Variants in CCDC191 observed in about 807,000 individuals in gnomAD.
The protein encoded by CCDC191 is coiled-coil domain-containing protein 191.
A neutral mutation model predicts 114.0 loss-of-function variants in CCDC191; 99 were observed. The ratio of observed to expected loss-of-function variants is 0.87; its 90% CI spans 0.74 to 1.03. CCDC191 has a LOEUF of 1.03. Ranked by LOEUF, CCDC191 falls within the 50% of genes least tolerant of loss-of-function variation. CCDC191 has a pLI of 0.00. For synonymous variants in CCDC191, 351 were observed against 376.0 expected (o/e 0.93, Z 0.77); for missense variants, 973 against 1,087.0 (o/e 0.90, Z 1.47).
At chr3:114,017,951 G>T (rs887109490) in intron 8 of CCDC191, among the ~76,000 whole-genome samples, 8 of 152,036 alleles carry the variant, frequency 5.3e-5, no homozygotes, top group Non-Finnish European at 1.0e-4. Context: ...ATAATAATAA[G>T]AAAATTATTT....
At chr3:113,978,672 A>G (rs2075024757) in intron 15 of CCDC191, 186 bp downstream of exon 15, 1 of 668,604 alleles carries the variant, frequency 1.5e-6, no homozygotes, top group African/African-American at 1.8e-5. Flanking sequence ...ACACAGGCTT[A>G]GGATTTTACA....
intron 8 of CCDC191, among the ~76,000 whole-genome samples, chr3:114,013,797 G>C (rs966989481): frequency 1.3e-5 from 2 of 152,114 alleles, no homozygotes; most frequent in East Asian, 3.8e-4. Context: ...AATGATACTG[G>C]GTGACTGGTG....
chr3:113,978,959 A>C lies in CCDC191; in HGVS notation c.2359T>G (p.Trp787Gly). The C allele has an allele frequency of 6.2e-7, 1 of 1,614,052 alleles. No homozygotes were observed. The highest frequency in any genetic ancestry group is 8.5e-7 in the Non-Finnish European group (1 of 1,179,958). ...LFLQRKYMLTWFQRSQESLAR... is the reference protein window; with the variant it reads ...LFLQRKYMLTGFQRSQESLAR... ...AGACTTTCCTGACTACGCTGGAACCACGTCAGCATGTATTTCCTCTGCAGG... is the reference window on the plus strand; with the variant it reads ...AGACTTTCCTGACTACGCTGGAACCCCGTCAGCATGTATTTCCTCTGCAGG... Residue 787 changes from tryptophan (W) to glycine (G), a missense_variant, in exon 15 of 17, where the codon TGG (tryptophan) becomes GGG (glycine). Transcript: ENST00000295878.
intron 4 of CCDC191, chr3:114,037,114 A>C (rs2076496441): frequency 6.3e-6 from 1 of 158,218 alleles, no homozygotes; most frequent in Admixed American, 6.5e-5. Context: ...AAAAAAAGAA[A>C]GAAAGAAAGA....
chr3:113,988,849 A>T (rs1426116008), intron 13 of CCDC191, among the ~76,000 whole-genome samples: 1 of 151,828 alleles, frequency 6.6e-6, no homozygotes, highest in Non-Finnish European at 1.5e-5. Flanking sequence ...GCTGGAGTGC[A>T]GCAGCTCAAT....
chr3:113,986,461 A>G (rs917352399), intron 13 of CCDC191, among the ~76,000 whole-genome samples: 4 of 152,212 alleles, frequency 2.6e-5, no homozygotes, highest in African/African-American at 9.6e-5. Flanking sequence ...AAAATCATAT[A>G]TCCAAGAAGC....
At chr3:114,020,089 C>T (rs1298679273) in intron 7 of CCDC191, among the ~76,000 whole-genome samples, 1 of 152,018 alleles carries the variant, frequency 6.6e-6, no homozygotes, top group Non-Finnish European at 1.5e-5. Flanking sequence ...GGGGATTTGC[C>T]AGTTTCAAGG....
chr3:114,052,344 T>G (rs1403501553), intron 2 of CCDC191, among the ~76,000 whole-genome samples: 1 of 152,206 alleles, frequency 6.6e-6, no homozygotes, highest in African/African-American at 2.4e-5. Context: ...CTTCCTGTTT[T>G]AGTTAAATCT....
At chr3:114,036,271 T>G (rs1192045496) in intron 5 of CCDC191, among the ~76,000 whole-genome samples, 1 of 152,192 alleles carries the variant, frequency 6.6e-6, no homozygotes, top group Non-Finnish European at 1.5e-5. Context: ...AATATTAACG[T>G]TACAATTTGA....
At chr3:114,013,993 T>C (rs1649416659) in intron 8 of CCDC191, among the ~76,000 whole-genome samples, 2 of 152,302 alleles carry the variant, frequency 1.3e-5, no homozygotes, top group East Asian at 1.9e-4. Flanking sequence ...CCTGAAAATA[T>C]AGAACAAAAT....
intron 12 of CCDC191, 34 bp downstream of exon 12, chr3:114,002,421 CT>C (rs1559898042): frequency 6.9e-7 from 1 of 1,459,234 alleles, no homozygotes; most frequent in Non-Finnish European, 9.5e-7. Flanking sequence ...ACAAATCCTT[CT>C]TTTTTGACTC....
chr3:113,981,377 C>T (rs2075143907), intron 13 of CCDC191, among the ~76,000 whole-genome samples: 1 of 152,136 alleles, frequency 6.6e-6, no homozygotes, highest in South Asian at 2.1e-4. Flanking sequence ...GAACTGCACC[C>T]CTCAGGGGTG....
chr3:114,006,617 T>TATATAAAA (rs1482068610), intron 9 of CCDC191, among the ~76,000 whole-genome samples: 5 of 118,428 alleles, frequency 4.2e-5, no homozygotes, highest in African/African-American at 1.7e-4. Context: ...TATATATATA[T>TATATAAAA]AAATATATAT....
intron 11 of CCDC191, chr3:114,003,617 A>G: frequency 2.0e-6 from 2 of 985,330 alleles, no homozygotes; most frequent in Non-Finnish European, 1.2e-6. Context: ...TCCTTGACCA[A>G]ACAATAATTT....
chr3:114,040,448 T>G (rs1225920685), intron 4 of CCDC191, among the ~76,000 whole-genome samples: 1 of 152,214 alleles, frequency 6.6e-6, no homozygotes, highest in African/African-American at 2.4e-5. Context: ...TTTATAGTTG[T>G]TATGTTTTTC....
At position 114,056,511 on chromosome 3, in the gene CCDC191, C is replaced by A. The variant is rs573863211; in HGVS notation, c.-45G>T. 3.7e-6 allele frequency: 6 copies of A among 1,613,408 alleles called. No individual in the cohort carries two copies. In the African/African-American group the frequency reaches 8.0e-5, roughly 21 times the overall value. On this transcript the variant is annotated 5_prime_UTR_variant, in exon 1 of 17. Coordinates refer to ENST00000295878, the MANE Select transcript of CCDC191 (RefSeq NM_020817.2). ...ACCTCGGCCAAAGCTGCAGCAACCG[C>A]CCTTCTGCCCGGGCTGCCTCCGGGT...
At chr3:113,997,623 C>A (rs1411035839) in intron 13 of CCDC191, among the ~76,000 whole-genome samples, 1 of 152,088 alleles carries the variant, frequency 6.6e-6, no homozygotes, top group African/African-American at 2.4e-5. Context: ...ACAATAGGAG[C>A]CAACCTTAAA....
At chr3:113,974,822 C>T (rs1941166654) in intron 16 of CCDC191, among the ~76,000 whole-genome samples, 1 of 151,924 alleles carries the variant, frequency 6.6e-6, no homozygotes, top group South Asian at 2.1e-4. Context: ...TGCTTTAATC[C>T]CTGGTTCATC....
chr3:114,046,437 T>C (rs2076630543), intron 3 of CCDC191, among the ~76,000 whole-genome samples, 154 bp downstream of exon 3: 1 of 152,220 alleles, frequency 6.6e-6, no homozygotes, highest in African/African-American at 2.4e-5. Flanking sequence ...CTTGTAATAT[T>C]GGAGTTAATT....
Sources: allele counts gnomAD v4.1 joint callset (sites outside exome capture counted in the v4.1 genomes callset), GRCh38; gene constraint gnomAD v4.1.1; transcripts MANE v1.5; gene names NCBI Gene and HGNC (gene_info 2026-07-23, HGNC 2026-07-21).